The following ADD3 variants were observed in gnomAD, a reference collection of about 807,000 sequenced individuals.
The protein encoded by ADD3 is gamma-adducin.
A neutral mutation model predicts 80.2 loss-of-function variants in ADD3; 25 were observed. That is an observed-to-expected ratio of 0.31 (90% CI 0.23 to 0.44). ADD3 has a LOEUF of 0.44. Ranked by LOEUF, ADD3 falls within the 20% of genes least tolerant of loss-of-function variation. ADD3 has a pLI of 1.00. For synonymous variants in ADD3, 284 were observed against 289.6 expected (o/e 0.98, Z 0.20); for missense variants, 829 against 847.5 (o/e 0.98, Z 0.27).
At chr10:110,036,828 A>G (rs1483438196) in intron 1 of ADD3, among the ~76,000 whole-genome samples, 5 of 152,214 alleles carry the variant, frequency 3.3e-5, no homozygotes, top group Admixed American at 1.3e-4. Flanking sequence ...CCCCAGCAGT[A>G]GAAAATAGTG....
chr10:110,062,972 C>T (rs1056324253), intron 1 of ADD3, among the ~76,000 whole-genome samples: 1 of 152,134 alleles, frequency 6.6e-6, no homozygotes, highest in Non-Finnish European at 1.5e-5. Context: ...TTCTGATTAT[C>T]TCTCCCCAGC....
intron 1 of ADD3, among the ~76,000 whole-genome samples, chr10:110,018,314 G>C (rs1389036328): frequency 6.6e-6 from 1 of 151,786 alleles, no homozygotes; most frequent in Non-Finnish European, 1.5e-5. Flanking sequence ...GATTGCCAGA[G>C]GTCAGGAGTT....
intron 1 of ADD3, among the ~76,000 whole-genome samples, chr10:110,087,998 T>C (rs1847012598): frequency 6.6e-6 from 1 of 152,160 alleles, no homozygotes; most frequent in Non-Finnish European, 1.5e-5. Context: ...TCCCTAGGCT[T>C]GTGCTGCATC....
intron 1 of ADD3, among the ~76,000 whole-genome samples, chr10:110,080,995 T>A (rs1329632947): frequency 1.3e-5 from 2 of 151,994 alleles, no homozygotes; most frequent in Admixed American, 6.6e-5. Context: ...GTTTCATAAT[T>A]CAATCAAATG....
At chr10:110,123,409 A>AACAG (rs1851753343) in intron 9 of ADD3, among the ~76,000 whole-genome samples, 1 of 139,692 alleles carries the variant, frequency 7.2e-6, no homozygotes, top group African/African-American at 3.4e-5. Context: ...TAGCGATTCT[A>AACAG]ACAGGACATG....
intron 2 of ADD3, among the ~76,000 whole-genome samples, chr10:110,103,324 G>C (rs1849046474): frequency 6.6e-6 from 1 of 152,214 alleles, no homozygotes; most frequent in Non-Finnish European, 1.5e-5. Context: ...AAGTTTAGGA[G>C]CAGGTTAGCT....
intron 3 of ADD3, among the ~76,000 whole-genome samples, chr10:110,113,334 C>G (rs1850291055): frequency 6.6e-6 from 1 of 152,224 alleles, no homozygotes; most frequent in African/African-American, 2.4e-5. Flanking sequence ...GTGGCCCGAT[C>G]TCGGCTCACT....
intron 8 of ADD3, among the ~76,000 whole-genome samples, chr10:110,121,631 T>C (rs1168884167): frequency 6.6e-6 from 1 of 152,236 alleles, no homozygotes; most frequent in Non-Finnish European, 1.5e-5. Context: ...AATCAACTTA[T>C]TTTTGCTTTA....
At chr10:110,065,803 G>A (rs1014614395) in intron 1 of ADD3, among the ~76,000 whole-genome samples, 2 of 151,362 alleles carry the variant, frequency 1.3e-5, no homozygotes, top group African/African-American at 2.4e-5. Context: ...GCCTCCCAAA[G>A]TGCTGGGATT....
In ADD3 at chr10:110,133,699, C is replaced by T. The variant is rs1853363293; in HGVS notation, c.*81C>T. 2 of 1,193,002 alleles carry T rather than the reference C, an allele frequency of 1.7e-6. No individual in the cohort carries two copies. The highest frequency in any genetic ancestry group is 5.3e-5 in the Admixed American group (2 of 37,958). The allele number at this position is 1,193,002 out of a possible 1,614,324, so 73.9% of individuals were successfully genotyped here. A position where few individuals can be genotyped will look rare whatever the true frequency, so the allele number is the denominator to read the frequency against. ...CACATTTAAGTTGATCATTAATATG[C>T]AATGGTAGATCAGATTGGGGGATGT... On this transcript the variant is annotated 3_prime_UTR_variant, in exon 15 of 15. Coordinates refer to ENST00000356080, the MANE Select transcript of ADD3 (RefSeq NM_016824.5).
chr10:110,033,502 T>G (rs532266704), intron 1 of ADD3, among the ~76,000 whole-genome samples: 1 of 152,320 alleles, frequency 6.6e-6, no homozygotes, highest in Non-Finnish European at 1.5e-5. Flanking sequence ...TACAGGGATA[T>G]TTTGCCAAGT....
chr10:110,020,636 T>C (rs1853561405), intron 1 of ADD3, among the ~76,000 whole-genome samples: 1 of 152,212 alleles, frequency 6.6e-6, no homozygotes, highest in South Asian at 2.1e-4. Flanking sequence ...TTTAAAGGGT[T>C]TATTTTGGCT....
chr10:110,047,159 A>T (rs1452705158), intron 1 of ADD3, among the ~76,000 whole-genome samples: 1 of 152,232 alleles, frequency 6.6e-6, no homozygotes, highest in South Asian at 2.1e-4. Flanking sequence ...ATTATTCATT[A>T]TCTTTCCATT....
intron 2 of ADD3, among the ~76,000 whole-genome samples, chr10:110,102,061 G>A (rs530512658): frequency 1.2e-4 from 18 of 152,168 alleles, no homozygotes; most frequent in African/African-American, 3.6e-4. Flanking sequence ...CAGTGGCCTC[G>A]GTGAAAGCAT....
At chr10:110,128,570 C>T (rs566000511) in intron 12 of ADD3, among the ~76,000 whole-genome samples, 4 of 152,170 alleles carry the variant, frequency 2.6e-5, no homozygotes, top group African/African-American at 7.2e-5. Context: ...CGCCTGTCAC[C>T]GTGCCCGACT....
rs13306103 is a variant in ADD3, at chr10:110,133,920, A to G, written c.*302A>G. 1,552 of 193,506 alleles carry G rather than the reference A, an allele frequency of 8.0e-3. 98 individuals are homozygous for G. The East Asian group carries it at 0.14, about 17-fold the overall frequency. The allele number at this position is 193,506 out of a possible 1,614,324, so 12.0% of individuals were successfully genotyped here. A position where few individuals can be genotyped will look rare whatever the true frequency, so the allele number is the denominator to read the frequency against. ...TGAATTACTTCAGGCCTTCTCCATA[A>G]TATCTGTTAGAAAGAAATTGCCAGT... On this transcript the variant is annotated 3_prime_UTR_variant, in exon 15 of 15. Transcript: ENST00000356080.
At chr10:110,060,852 A>G (rs144918762) in intron 1 of ADD3, among the ~76,000 whole-genome samples, 9 of 152,328 alleles carry the variant, frequency 5.9e-5, no homozygotes, top group Admixed American at 5.9e-4. Context: ...ATTCCAATTT[A>G]AGCATTCTTT....
At chr10:110,001,226 G>A (rs1359167388), upstream of ADD3, among the ~76,000 whole-genome samples, 1 of 151,858 alleles carries the variant, frequency 6.6e-6, no homozygotes, top group Non-Finnish European at 1.5e-5. Context: ...ACCAGCCTGG[G>A]CAACATGGCA....
At chr10:110,095,305 A>C (rs1477838023) in intron 1 of ADD3, among the ~76,000 whole-genome samples, 1 of 152,240 alleles carries the variant, frequency 6.6e-6, no homozygotes, top group Non-Finnish European at 1.5e-5. Flanking sequence ...AGAGTTGTAC[A>C]ACTATCACCA....
Sources: gnomAD v4.1 joint callset for allele counts (sites outside exome capture counted in the v4.1 genomes callset) on GRCh38, gnomAD v4.1.1 for gene constraint, MANE v1.5 for transcripts, NCBI Gene and HGNC (gene_info 2026-07-23, HGNC 2026-07-21) for gene names.